Variants in RHBDL2 observed in about 807,000 individuals in gnomAD.
RHBDL2 encodes rhomboid like 2.
Under a neutral mutation model 31.7 loss-of-function variants are expected in RHBDL2, and 26 were observed. That is an observed-to-expected ratio of 0.82 (90% CI 0.60 to 1.14). The LOEUF is 1.14. Among genes scored for constraint, RHBDL2 ranks in the 50% most tolerant of loss-of-function variants. The pLI, the probability that RHBDL2 is intolerant of heterozygous loss-of-function variation, is 0.00. For synonymous variants in RHBDL2, 123 were observed against 127.2 expected, an observed-to-expected ratio of 0.97 and a Z score of 0.22; for missense variants, 336 against 364.4, an observed-to-expected ratio of 0.92 and a Z score of 0.63.
chr1:38,919,149 C>G lies in RHBDL2; in HGVS notation c.64G>C (p.Glu22Gln). The G allele has an allele frequency of 6.2e-7, 1 of 1,614,148 alleles. No individual in the cohort carries two copies. Among genetic ancestry groups the G allele is most frequent in the African/African-American group, 1.3e-5 (1 of 75,036 alleles). ...MNLNMGREMK[E>Q]ELEEEEKMRE... ...ATTTTCTCCTCTTCCTCCAGCTCTT[C>G]TTTCATCTCTCTCCCCATATTCAGA... Residue 22 changes from glutamate to glutamine, a missense_variant, in exon 2 of 8, where the codon GAA becomes CAA. By Grantham distance (29) the Glu-to-Gln change is conservative. Transcript: ENST00000372990.
At chr1:38,894,707 C>CTTTTT (rs71057159) in intron 5 of RHBDL2, among the ~76,000 whole-genome samples, 5 of 114,190 alleles carry the variant, frequency 4.4e-5, no homozygotes, top group Non-Finnish European at 5.0e-5. Context: ...CTTTTTTTTT[C>CTTTTT]TTTTTTTTTT....
chr1:38,926,621 G>A (rs1283759715), intron 1 of RHBDL2: 3 of 152,344 alleles, frequency 2.0e-5, no homozygotes, highest in African/African-American at 7.2e-5. Flanking sequence ...CGGATCACCT[G>A]AGGTCGGGCA....
chr1:38,888,836 T>C (rs4589074), intron 6 of RHBDL2, among the ~76,000 whole-genome samples: 1 of 151,902 alleles, frequency 6.6e-6, no homozygotes, highest in Non-Finnish European at 1.5e-5. Flanking sequence ...TGAGTTGTAC[T>C]CTCCTTAGTA....
intron 1 of RHBDL2, chr1:38,929,441 C>T: frequency 1.6e-6 from 2 of 1,289,484 alleles, no homozygotes; most frequent in Non-Finnish European, 2.0e-6. Context: ...AGGCCAACAC[C>T]CTTATGACAA....
intron 1 of RHBDL2, among the ~76,000 whole-genome samples, chr1:38,935,116 C>T (rs1361640758): frequency 6.6e-6 from 1 of 152,078 alleles, no homozygotes; most frequent in African/African-American, 2.4e-5. Context: ...TTCATCCAAA[C>T]CTTAGAGCTA....
rs762354706 is a variant in RHBDL2, at chr1:38,915,621, G to C, written c.336C>G (p.Tyr112Ter). Residue 112 changes from tyrosine (Y) to a stop codon, truncating the protein, a stop_gained, in exon 3 of 8, where the codon TAC becomes TAG. Transcript: ENST00000372990. LOFTEE classifies it high-confidence loss of function. ...AGGCTTCCTCCCTCTTCTCAGGACT[G>C]TAGATAAAGGGACTCTCCAAGATGC... ...DTGILESPFI[Y>*]SPEKREEAWR... 2 of 1,613,882 alleles carry C rather than the reference G, an allele frequency of 1.2e-6. No homozygotes were observed. The highest frequency in any genetic ancestry group is 2.7e-5 in the African/African-American group (2 of 74,924).
intron 6 of RHBDL2, among the ~76,000 whole-genome samples, chr1:38,890,238 A>G (rs949286203): frequency 2.6e-5 from 4 of 152,120 alleles, no homozygotes; most frequent in Admixed American, 6.5e-5. Context: ...GGGTTTCACC[A>G]TGAGATCTCC....
intron 3 of RHBDL2, among the ~76,000 whole-genome samples, chr1:38,914,392 C>A (rs1225301443): frequency 6.6e-6 from 1 of 151,920 alleles, no homozygotes; most frequent in Non-Finnish European, 1.5e-5. Context: ...CAAGCGCATG[C>A]CACCACGCCC....
intron 1 of RHBDL2, among the ~76,000 whole-genome samples, chr1:38,920,315 C>G (rs1477847937): frequency 6.6e-6 from 1 of 151,162 alleles, no homozygotes; most frequent in Admixed American, 6.6e-5. Flanking sequence ...TTATGGGCAC[C>G]CGGCACCACA....
intron 4 of RHBDL2, among the ~76,000 whole-genome samples, chr1:38,902,249 AG>A (rs1643002369): frequency 9.0e-6 from 1 of 110,540 alleles, no homozygotes; most frequent in African/African-American, 3.5e-5. Context: ...TCTGTCGCCC[AG>A]GCTGGAACGC....
At chr1:38,895,296 C>G (rs184343103) in intron 5 of RHBDL2, among the ~76,000 whole-genome samples, 1 of 152,068 alleles carries the variant, frequency 6.6e-6, no homozygotes, top group East Asian at 1.9e-4. Flanking sequence ...AGTAGCCGTT[C>G]TTTTATTCCT....
Position 38,886,640 on chromosome 1 carries a change from GAC to G in RHBDL2, c.774_775del (p.Met258IlefsTer8). The G allele has an allele frequency of 1.3e-6, 2 of 1,581,362 alleles. No individual in the cohort carries two copies. Among genetic ancestry groups the G allele is most frequent in the Non-Finnish European group, 8.6e-7 (1 of 1,160,170 alleles). The stretch of plus-strand genomic sequence containing the variant: ...GCAGCTAAACACCGTGTAGCCAATG[GAC>G]ATTCCAGCAAATCCACCTGCAATGT... On this transcript the variant is annotated frameshift_variant, in exon 8 of 8. Transcript: ENST00000372990. LOFTEE classifies it high-confidence loss of function.
chr1:38,911,659 C>CGCGCGT (rs1186550267), intron 3 of RHBDL2, among the ~76,000 whole-genome samples: 19 of 147,500 alleles, frequency 1.3e-4, no homozygotes, highest in Non-Finnish European at 2.1e-4. Context: ...CGCGCGCGCG[C>CGCGCGT]GTGTGTGACT....
chr1:38,914,840 C>T (rs1255279986), intron 3 of RHBDL2, among the ~76,000 whole-genome samples: 2 of 151,374 alleles, frequency 1.3e-5, no homozygotes, highest in African/African-American at 4.8e-5. Flanking sequence ...ACTAGCCTAG[C>T]CAACATGGTG....
At chr1:38,889,723 T>C (rs1287447343) in intron 6 of RHBDL2, among the ~76,000 whole-genome samples, 1 of 152,244 alleles carries the variant, frequency 6.6e-6, no homozygotes, top group African/African-American at 2.4e-5. Context: ...TTCCGACTTC[T>C]TGGCCTAGAA....
chr1:38,921,422 C>A (rs1643313929), intron 1 of RHBDL2, among the ~76,000 whole-genome samples: 1 of 151,900 alleles, frequency 6.6e-6, no homozygotes, highest in South Asian at 2.1e-4. Context: ...TAGTAAACAC[C>A]CTATAATTAT....
At chr1:38,905,641 T>C (rs1643054661) in intron 4 of RHBDL2, among the ~76,000 whole-genome samples, 1 of 149,608 alleles carries the variant, frequency 6.7e-6, no homozygotes, top group Non-Finnish European at 1.5e-5. Context: ...TAATCCCAAC[T>C]ACTTTGAGGC....
intron 1 of RHBDL2, among the ~76,000 whole-genome samples, chr1:38,924,389 T>G (rs972914492): frequency 2.0e-5 from 3 of 151,996 alleles, no homozygotes; most frequent in African/African-American, 7.3e-5. Context: ...GGTCAGGAGA[T>G]CGAGATCATC....
intron 4 of RHBDL2, among the ~76,000 whole-genome samples, chr1:38,904,608 A>T (rs1291397006): frequency 6.6e-6 from 1 of 151,606 alleles, no homozygotes; most frequent in Admixed American, 6.6e-5. Flanking sequence ...GCAGACGATC[A>T]CTTGAGCTCA....
Sources: allele counts gnomAD v4.1 joint callset (sites outside exome capture counted in the v4.1 genomes callset), GRCh38; gene constraint gnomAD v4.1.1; transcripts MANE v1.5; gene names NCBI Gene and HGNC (gene_info 2026-07-23, HGNC 2026-07-21).